PRG4: variants seen among roughly 807,000 people sequenced by gnomAD.
The protein encoded by PRG4 is proteoglycan 4.
PRG4 carries 61 observed loss-of-function variants against 91.2 expected under a neutral mutation model. The ratio of observed to expected loss-of-function variants is 0.67; its 90% CI spans 0.54 to 0.83. PRG4 has a LOEUF of 0.83. PRG4 is among the 40% of genes least tolerant of loss of function. The pLI is 0.00. For missense variants in PRG4, 1,564 were observed against 1,714.2 expected (o/e 0.91, Z 1.55); for synonymous variants, 576 against 614.2 (o/e 0.94, Z 0.92).
At position 186,311,634 on chromosome 1, in the gene PRG4, A is replaced by G. The variant is rs1657246608; in HGVS notation, c.3793+38A>G. 4 of 1,576,538 alleles carry G rather than the reference A, an allele frequency of 2.5e-6. No homozygotes were observed. The South Asian group carries it at 4.4e-5, about 17-fold the overall frequency. Reference sequence around the variant, plus strand: ...TAATTGACAAGATTACAAAACTTTTAAAGAATTACACTCAGCATTTTCATT... The same window carrying G: ...TAATTGACAAGATTACAAAACTTTTGAAGAATTACACTCAGCATTTTCATT... On this transcript the variant is annotated intron_variant, in intron 10 of 12. Coordinates refer to ENST00000445192, the MANE Select transcript of PRG4 (RefSeq NM_005807.6).
Position 186,309,153 on chromosome 1 carries a change from A to T in PRG4, c.3421+13A>T, listed in dbSNP as rs143148434. 1,851 of 1,604,124 alleles carry T rather than the reference A, an allele frequency of 1.2e-3. 1 individual carries two copies. The highest frequency in any genetic ancestry group is 1.4e-3 in the Non-Finnish European group (1,677 of 1,173,556). Reference sequence around the variant, plus strand: ...CCCATGCTTTCCGGTATTAAGAATCAGTTATTTTCATTTTTAAAGCTGGTA... The same window carrying T: ...CCCATGCTTTCCGGTATTAAGAATCTGTTATTTTCATTTTTAAAGCTGGTA... On this transcript the variant is annotated intron_variant, in intron 7 of 12. Coordinates refer to ENST00000445192, the MANE Select transcript of PRG4 (RefSeq NM_005807.6).
Position 186,311,483 on chromosome 1 carries a change from G to C in PRG4, c.3680G>C (p.Gly1227Ala). Residue 1227 changes from glycine (G) to alanine (A), a missense_variant, in exon 10 of 13, where the codon GGG (glycine) becomes GCG (alanine). Around this residue, in one of 3 missense-constraint regions of PRG4, gnomAD observed 1,079 missense variants for 1,162.2 expected, o/e 0.93. Coordinates refer to ENST00000445192, the MANE Select transcript of PRG4 (RefSeq NM_005807.6). ...TTTACCAATGATATAAAAGATGCAG[G>C]GTACCCCAAACCAATTTTCAAAGGA... ...WRFTNDIKDA[G>A]YPKPIFKGFG... The C allele has an allele frequency of 1.9e-6, 3 of 1,613,620 alleles. No homozygotes were observed. The highest frequency in any genetic ancestry group is 1.7e-5 in the Admixed American group (1 of 59,986).
At chr1:186,297,019 AC>A (rs1176057659) in intron 2 of PRG4, 68 bp downstream of exon 2, 10 of 1,349,980 alleles carry the variant, frequency 7.4e-6, no homozygotes, top group Non-Finnish European at 1.1e-5. Flanking sequence ...GATTTTTATA[AC>A]AACGGAAATA....
At position 186,306,428 on chromosome 1, in the gene PRG4, G is replaced by T. The variant is rs1656567502; in HGVS notation, c.709G>T (p.Asp237Tyr). The change falls in exon 7 of 13, where the codon GAC becomes TAC. Residue 237 changes from aspartate to tyrosine, a missense_variant. Transcript: ENST00000445192. ...DNGDFKVTTP[D>Y]TSTTQHNKVS... ...TGGTGACTTCAAGGTCACAACTCCT[G>T]ACACGTCTACCACCCAACACAATAA... 1 of 1,613,560 alleles carries T rather than the reference G, an allele frequency of 6.2e-7. No individual in the cohort carries two copies. The highest frequency in any genetic ancestry group is 1.3e-5 in the African/African-American group (1 of 74,962).
At chr1:186,300,326 C>T in intron 3 of PRG4, 113 bp downstream of exon 3, 2 of 1,399,558 alleles carry the variant, frequency 1.4e-6, no homozygotes, top group Non-Finnish European at 2.0e-6. Context: ...CACCCACTTG[C>T]AGTGCTGTTT....
rs149511072 is a variant in PRG4, at chr1:186,296,875, G to T, written c.-1G>T. On this transcript the variant is annotated 5_prime_UTR_variant, in exon 2 of 13. Coordinates refer to ENST00000445192, the MANE Select transcript of PRG4 (RefSeq NM_005807.6). The stretch of plus-strand genomic sequence containing the variant: ...GGTACCTACGGTACCTGAAAACAAC[G>T]ATGGCATGGAAAACACTTCCCATTT... 1 of 1,613,586 alleles carries T rather than the reference G, an allele frequency of 6.2e-7. No individual in the cohort carries two copies. The highest frequency in any genetic ancestry group is 8.5e-7 in the Non-Finnish European group (1 of 1,179,644).
chr1:186,310,222 GCTTT>G (rs2102033144), intron 8 of PRG4, among the ~76,000 whole-genome samples: 1 of 150,934 alleles, frequency 6.6e-6, no homozygotes, highest in African/African-American at 2.4e-5. Context: ...CATATTCACT[GCTTT>G]ATTTGAAAAT....
rs554363596 is a variant in PRG4, at chr1:186,311,662, T to C, written c.3793+66T>C. The C allele has an allele frequency of 1.5e-5, 22 of 1,485,238 alleles. No individual in the cohort carries two copies. The African/African-American group carries it at 2.9e-4, about 20-fold the overall frequency. 92.0% of individuals were successfully genotyped at this position (1,485,238 alleles called of 1,614,324 possible). A position where few individuals can be genotyped will look rare whatever the true frequency, so the allele number is the denominator to read the frequency against. ...GAATTACACTCAGCATTTTCATTTA[T>C]TATTGACTTTACTGTCAAAAGATAT... On this transcript the variant is annotated intron_variant, in intron 10 of 12. Transcript: ENST00000445192.
chr1:186,303,755 C>CTTCAAATAATTCAAGATTA lies in PRG4; in HGVS notation c.320-349_320-348insAATAATTCAAGATTATTCA, dbSNP rs1379110547. ...AGAAAAAAATTCTGAAGGCAAAGACCTTCAGAAATCATCTTGAATAAACAT... is the reference window on the plus strand; with the variant it reads ...AGAAAAAAATTCTGAAGGCAAAGACCTTCAAATAATTCAAGATTATTCAGAAATCATCTTGAATAAACAT... On this transcript the variant is annotated intron_variant, in intron 4 of 12. Transcript: ENST00000445192. Among the ~76,000 whole-genome samples, 14 of 151,744 alleles carry CTTCAAATAATTCAAGATTA rather than the reference C, an allele frequency of 9.2e-5. 1 individual carries two copies. The highest frequency in any genetic ancestry group is 3.4e-4 in the African/African-American group (14 of 41,290).
Position 186,314,177 on chromosome 1 carries a change from C to T in PRG4, c.*399C>T. 1.6e-6 allele frequency: 1 copy of T among 621,818 alleles called. No individual in the cohort carries two copies. The highest frequency in any genetic ancestry group is 2.8e-5 in the East Asian group (1 of 35,448). 38.5% of individuals were successfully genotyped at this position (621,818 alleles called of 1,614,324 possible). On this transcript the variant is annotated 3_prime_UTR_variant, in exon 13 of 13. Coordinates refer to ENST00000445192, the MANE Select transcript of PRG4 (RefSeq NM_005807.6). ...CAACTTCAATGGAAATTATTACAAG[C>T]AGATTAATCCCTCTTTTTGTGACAC...
In PRG4 at chr1:186,306,423, C is replaced by A. The variant is rs1204613117; in HGVS notation, c.704C>A (p.Thr235Asn). Reference sequence around the variant, plus strand: ...GACAATGGTGACTTCAAGGTCACAACTCCTGACACGTCTACCACCCAACAC... The same window carrying A: ...GACAATGGTGACTTCAAGGTCACAAATCCTGACACGTCTACCACCCAACAC... ...GLDNGDFKVT[T>N]PDTSTTQHNK... Residue 235 changes from threonine (T) to asparagine (N), a missense_variant, in exon 7 of 13, where the codon ACT becomes AAT. Transcript: ENST00000445192. 6.2e-7 allele frequency: 1 copy of A among 1,613,348 alleles called. No individual in the cohort carries two copies. The highest frequency in any genetic ancestry group is 2.2e-5 in the East Asian group (1 of 44,880).
chr1:186,302,960 T>C (rs992297588), intron 4 of PRG4, among the ~76,000 whole-genome samples: 7 of 152,194 alleles, frequency 4.6e-5, no homozygotes, highest in African/African-American at 1.4e-4. Context: ...AAGGCGATGC[T>C]GGCCAACTTT....
rs766096225 is a variant in PRG4, at chr1:186,304,844, T to A, written c.520T>A (p.Ser174Thr). Residue 174 changes from serine (S) to threonine (T), a missense_variant, in exon 6 of 13, where the codon TCT (serine) becomes ACT (threonine). This residue lies in a region of PRG4 where 437 missense variants were observed against 459.0 expected (regional missense o/e 0.95). Coordinates refer to ENST00000445192, the MANE Select transcript of PRG4 (RefSeq NM_005807.6). Reference sequence around the variant, plus strand: ...GTCCTCCTCCTCCTCCTCCTCTTCCTCTTCTTCTTCAACAATTCGGAAAAT... The same window carrying A: ...GTCCTCCTCCTCCTCCTCCTCTTCCACTTCTTCTTCAACAATTCGGAAAAT... ...QESSSSSSSS[S>T]SSSTIRKIKS... is the part of the protein sequence containing the mutation. The A allele has an allele frequency of 2.5e-6, 4 of 1,612,162 alleles. No homozygotes were observed. The highest frequency in any genetic ancestry group is 3.4e-6 in the Non-Finnish European group (4 of 1,178,406).
intron 4 of PRG4, among the ~76,000 whole-genome samples, chr1:186,302,538 T>G (rs951322943): frequency 6.6e-6 from 1 of 152,254 alleles, no homozygotes; most frequent in Non-Finnish European, 1.5e-5. Flanking sequence ...TCTTATCATT[T>G]TATTTAAACA....
chr1:186,312,807 A>C lies in PRG4; in HGVS notation c.4030A>C (p.Arg1344=). The C allele has an allele frequency of 6.2e-7, 1 of 1,612,414 alleles. No individual in the cohort carries two copies. Among genetic ancestry groups the C allele is most frequent in the Non-Finnish European group, 8.5e-7 (1 of 1,178,482 alleles). ...TGAAGTTAAAGTGAGTATACTGTGG[A>C]GAGGACTTCCAAATGTGGTTACCTC... The part of the protein sequence containing the change: ...HNEVKVSILW[R]GLPNVVTSAI... The change falls in exon 12 of 13, where the codon AGA becomes CGA. Residue 1344 remains arginine (R), a synonymous_variant. Coordinates refer to ENST00000445192, the MANE Select transcript of PRG4 (RefSeq NM_005807.6).
intron 11 of PRG4, 136 bp from the exon 12 acceptor site, chr1:186,312,633 T>C (rs1349668335): frequency 2.1e-6 from 2 of 964,794 alleles, no homozygotes; most frequent in African/African-American, 3.2e-5. Context: ...CCAAGAACAT[T>C]ATATACCAGT....
intron 2 of PRG4, 149 bp from the exon 3 acceptor site, chr1:186,299,942 A>C: frequency 1.1e-6 from 1 of 870,262 alleles, no homozygotes; most frequent in African/African-American, 1.7e-5. Flanking sequence ...CATCAGCCAA[A>C]TATCAGCTGG....
chr1:186,299,023 A>G (rs192472092), intron 2 of PRG4, among the ~76,000 whole-genome samples: 2 of 152,230 alleles, frequency 1.3e-5, no homozygotes, highest in East Asian at 3.9e-4. Flanking sequence ...CTATTCTTTT[A>G]AGATTTGTTT....
chr1:186,304,381 C>T (rs1447778397), intron 5 of PRG4, 124 bp downstream of exon 5: 17 of 1,174,884 alleles, frequency 1.4e-5, no homozygotes, highest in East Asian at 2.5e-5. Context: ...TCATTACACT[C>T]GAAGGTTTTA....
Sources: allele counts gnomAD v4.1 joint callset (sites outside exome capture counted in the v4.1 genomes callset), GRCh38; gene constraint gnomAD v4.1.1; regional missense constraint gnomAD v4.1.1; transcripts MANE v1.5; gene names NCBI Gene and HGNC (gene_info 2026-07-23, HGNC 2026-07-21).